The following ADAM2 variants were observed in gnomAD, a reference collection of about 807,000 sequenced individuals.
ADAM2 encodes the protein disintegrin and metalloproteinase domain-containing protein 2.
Under a neutral mutation model 99.3 loss-of-function variants are expected in ADAM2, and 101 were observed. The ratio of observed to expected loss-of-function variants is 1.02; its 90% confidence interval spans 0.87 to 1.20. The LOEUF (loss-of-function observed/expected upper bound fraction) is 1.20. Among genes scored for constraint, ADAM2 ranks in the 50% most tolerant of loss-of-function variants. ADAM2 has a pLI of 0.00. For synonymous variants in ADAM2, 323 were observed against 287.6 expected (o/e 1.12, Z -1.25); for missense variants, 948 against 878.7 (o/e 1.08, Z -1.00).
At chr8:39,795,065 T>A (rs543200274) in intron 7 of ADAM2, among the ~76,000 whole-genome samples, 1 of 152,270 alleles carries the variant, frequency 6.6e-6, no homozygotes, top group African/African-American at 2.4e-5. Context: ...TCCCTAAATA[T>A]CTTTGGTAAT....
At position 39,833,963 on chromosome 8, in the gene ADAM2, T is replaced by C; in HGVS notation, c.169A>G (p.Thr57Ala). ...YKIVIEGKPY[T>A]VNLMQKNFLP... ...ACCTACTTTTGCATTAAATTCACAG[T>C]ATATGGTTTCCCTTCAATTACAATT... The change falls in exon 3 of 21, where the codon ACT (threonine) becomes GCT (alanine). Residue 57 changes from threonine (T) to alanine (A), a missense_variant. Coordinates refer to ENST00000265708, the MANE Select transcript of ADAM2 (RefSeq NM_001464.5). 3 of 1,561,972 alleles carry C rather than the reference T, an allele frequency of 1.9e-6. No homozygotes were observed. Among genetic ancestry groups the C allele is most frequent in the Non-Finnish European group, 2.6e-6 (3 of 1,135,412 alleles).
chr8:39,816,441 T>A (rs1804944772), intron 6 of ADAM2, among the ~76,000 whole-genome samples: 2 of 152,224 alleles, frequency 1.3e-5, no homozygotes, highest in Non-Finnish European at 2.9e-5. Context: ...GCGTATGACC[T>A]AGCAGTTCAA....
chr8:39,826,910 A>G (rs921036012), intron 3 of ADAM2, among the ~76,000 whole-genome samples: 1 of 152,078 alleles, frequency 6.6e-6, no homozygotes, highest in East Asian at 1.9e-4. Context: ...ATGGGAGTAC[A>G]CAAAATTTAG....
At chr8:39,826,661 T>A (rs1464665909) in intron 3 of ADAM2, among the ~76,000 whole-genome samples, 3 of 151,074 alleles carry the variant, frequency 2.0e-5, no homozygotes, top group Non-Finnish European at 4.4e-5. Flanking sequence ...AGGCAGAGCT[T>A]GCAGTGAGCC....
intron 1 of ADAM2, among the ~76,000 whole-genome samples, chr8:39,837,578 G>A (rs1289906608): frequency 4.6e-5 from 7 of 151,920 alleles, no homozygotes; most frequent in African/African-American, 1.7e-4. Flanking sequence ...AGTAGAGGGG[G>A]ATTTCACCAT....
intron 16 of ADAM2, among the ~76,000 whole-genome samples, chr8:39,751,659 C>T (rs985428481): frequency 6.6e-6 from 1 of 152,012 alleles, no homozygotes; most frequent in South Asian, 2.1e-4. Flanking sequence ...AGTAATATTA[C>T]ATAAAAAAAA....
chr8:39,767,666 G>A (rs372839786), intron 12 of ADAM2, among the ~76,000 whole-genome samples: 1 of 152,060 alleles, frequency 6.6e-6, no homozygotes, highest in Non-Finnish European at 1.5e-5. Context: ...ACAAGTTTCT[G>A]CATTTTATGG....
chr8:39,810,783 C>T, intron 6 of ADAM2, among the ~76,000 whole-genome samples: 2 of 152,056 alleles, frequency 1.3e-5, no homozygotes, highest in African/African-American at 4.8e-5. Context: ...ACATTTAAAG[C>T]AGTGTGTAGA....
chr8:39,788,128 A>T lies in ADAM2; in HGVS notation c.766T>A (p.Ser256Thr). The change falls in exon 9 of 21, where the codon TCT becomes ACT. Residue 256 changes from serine to threonine, a missense_variant. Ser to Thr is a moderately conservative substitution (Grantham distance 58). Coordinates refer to ENST00000265708, the MANE Select transcript of ADAM2 (RefSeq NM_001464.5). ...LLHTFLRWKT[S>T]YLVLRPHDVA... Reference sequence around the variant, plus strand: ...TCATGAGGACGTAAAACAAGATAAGATGTTTTCCATCTTAAAAATGTGTGT... The same window carrying T: ...TCATGAGGACGTAAAACAAGATAAGTTGTTTTCCATCTTAAAAATGTGTGT... 1 of 1,575,810 alleles carries T rather than the reference A, an allele frequency of 6.3e-7. No individual in the cohort carries two copies.
intron 15 of ADAM2, 110 bp downstream of exon 15, chr8:39,761,066 C>T (rs113158966): frequency 5.1e-5 from 28 of 547,834 alleles, no homozygotes; most frequent in African/African-American, 4.9e-4. Flanking sequence ...TAAACATGGT[C>T]TTACTTTATG....
At chr8:39,804,114 T>C (rs1440038770) in intron 7 of ADAM2, among the ~76,000 whole-genome samples, 2 of 152,216 alleles carry the variant, frequency 1.3e-5, no homozygotes, top group African/African-American at 4.8e-5. Context: ...CTCTTCTGAT[T>C]TCTTTTATCA....
At chr8:39,808,659 T>C (rs1266369204) in intron 7 of ADAM2, among the ~76,000 whole-genome samples, 1 of 152,194 alleles carries the variant, frequency 6.6e-6, no homozygotes, top group African/African-American at 2.4e-5. Flanking sequence ...GGCTCACGCA[T>C]GTGGTCCCAG....
intron 6 of ADAM2, among the ~76,000 whole-genome samples, chr8:39,810,182 C>A (rs1340493360): frequency 1.3e-5 from 2 of 152,006 alleles, no homozygotes; most frequent in East Asian, 1.9e-4. Flanking sequence ...TCAAAAGAGA[C>A]AAAGAAGGCC....
intron 17 of ADAM2, 84 bp from the exon 18 acceptor site, chr8:39,749,534 T>C (rs1823624085): frequency 1.3e-6 from 2 of 1,502,014 alleles, no homozygotes; most frequent in African/African-American, 2.8e-5. Flanking sequence ...AATATGTAGG[T>C]CAGCTAAGGC....
chr8:39,835,615 G>A (rs1266964350), intron 2 of ADAM2, among the ~76,000 whole-genome samples: 2 of 151,298 alleles, frequency 1.3e-5, no homozygotes, highest in African/African-American at 2.4e-5. Flanking sequence ...CCTGGGAGGC[G>A]GAGCTTGCAG....
chr8:39,813,807 C>T (rs1183474425), intron 6 of ADAM2, among the ~76,000 whole-genome samples: 2 of 152,018 alleles, frequency 1.3e-5, no homozygotes, highest in Non-Finnish European at 2.9e-5. Context: ...TTAGGAGATA[C>T]ACCTAATGTA....
chr8:39,789,527 A>G (rs1803614709), intron 7 of ADAM2, among the ~76,000 whole-genome samples: 1 of 151,848 alleles, frequency 6.6e-6, no homozygotes, highest in Non-Finnish European at 1.5e-5. Flanking sequence ...GAGGATTCAC[A>G]TATCTCAATT....
At chr8:39,817,777 A>G (rs1322597700) in intron 6 of ADAM2, 1 of 152,046 alleles carries the variant, frequency 6.6e-6, no homozygotes, top group African/African-American at 2.4e-5. Context: ...ATGAAAAAGA[A>G]GATTACTAAA....
At chr8:39,783,867 G>A (rs1456543132) in intron 10 of ADAM2, among the ~76,000 whole-genome samples, 5 of 151,828 alleles carry the variant, frequency 3.3e-5, no homozygotes, top group Non-Finnish European at 5.9e-5. Context: ...CAGGAGAATC[G>A]CTTGAACCTG....
Sources: allele counts gnomAD v4.1 joint callset (sites outside exome capture counted in the v4.1 genomes callset), GRCh38; gene constraint gnomAD v4.1.1; transcripts MANE v1.5; gene names NCBI Gene and HGNC (gene_info 2026-07-23, HGNC 2026-07-21).